The following TESMIN variants were observed in gnomAD, a reference collection of about 807,000 sequenced individuals.
TESMIN encodes the protein CXC domain containing 2.
TESMIN carries 34 observed loss-of-function variants against 47.4 expected under a neutral mutation model. The ratio of observed to expected loss-of-function variants is 0.72; its 90% CI spans 0.55 to 0.96. The LOEUF (loss-of-function observed/expected upper bound fraction) is 0.96. Among genes scored for constraint, TESMIN ranks in the 40% least tolerant of loss-of-function variants. The probability of loss-of-function intolerance (pLI) is 0.00; values close to 1 mark genes in which losing one functional copy is unlikely to be tolerated. For synonymous variants in TESMIN, 278 were observed against 258.9 expected, an observed-to-expected ratio of 1.07 and a Z score of -0.71; for missense variants, 610 against 637.2, an observed-to-expected ratio of 0.96 and a Z score of 0.46.
chr11:68,738,672 G>C (rs1331415651), intron 6 of TESMIN, 28 bp downstream of exon 6: 3 of 1,612,612 alleles, frequency 1.9e-6, no homozygotes, highest in Non-Finnish European at 2.5e-6. Flanking sequence ...TTACATTAGA[G>C]TGACAATGTA....
At chr11:68,719,758 A>T (rs1340991158) in intron 6 of TESMIN, among the ~76,000 whole-genome samples, 1 of 152,220 alleles carries the variant, frequency 6.6e-6, no homozygotes, top group Non-Finnish European at 1.5e-5. Context: ...AAAGATAAAG[A>T]AATTAGTCTA....
intron 9 of TESMIN, among the ~76,000 whole-genome samples, chr11:68,710,234 T>C (rs1471255825): frequency 1.3e-5 from 2 of 152,226 alleles, no homozygotes; most frequent in African/African-American, 4.8e-5. Context: ...TGAATTTGGC[T>C]TTGCAAAATA....
intron 6 of TESMIN, chr11:68,737,221 T>G (rs1244889718): frequency 1.0e-6 from 1 of 985,200 alleles, no homozygotes; most frequent in African/African-American, 1.7e-5. Flanking sequence ...AACTGCACCC[T>G]CACCGATCCA....
intron 6 of TESMIN, chr11:68,737,258 C>T: frequency 1.0e-6 from 1 of 985,532 alleles, no homozygotes. Flanking sequence ...AAGCAAGCAG[C>T]ATGGCCCACA....
At chr11:68,749,446 G>C (rs1194800707) in intron 2 of TESMIN, among the ~76,000 whole-genome samples, 1 of 152,216 alleles carries the variant, frequency 6.6e-6, no homozygotes, top group East Asian at 1.9e-4. Context: ...TGGATGAGTG[G>C]TCTCGTTTTC....
chr11:68,708,541 C>T, intron 9 of TESMIN, 41 bp from the exon 10 acceptor site: 1 of 1,513,284 alleles, frequency 6.6e-7, no homozygotes, highest in African/African-American at 1.4e-5. Flanking sequence ...CAACAGTGCA[C>T]CATTTCTACC....
intron 1 of TESMIN, among the ~76,000 whole-genome samples, chr11:68,751,154 AGGGGCCGGCCGGGGT>A (rs1227911364): frequency 1.3e-3 from 2 of 1,496 alleles, no homozygotes; most frequent in East Asian, 0.029. Context: ...CGGCCAGGAG[AGGGGCCGGCCGGGGT>A]GGGGGTCAGG....
intron 6 of TESMIN, 37 bp downstream of exon 6, chr11:68,738,663 T>G (rs1327692231): frequency 6.2e-7 from 1 of 1,610,100 alleles, no homozygotes; most frequent in Non-Finnish European, 8.5e-7. Flanking sequence ...CTTAAATTAT[T>G]ACATTAGAGT....
Position 68,713,398 on chromosome 11 carries a change from C to G in TESMIN, c.1030G>C (p.Gly344Arg). The G allele has an allele frequency of 1.2e-6, 2 of 1,614,058 alleles. No individual in the cohort carries two copies. Among genetic ancestry groups the G allele is most frequent in the Non-Finnish European group, 8.5e-7 (1 of 1,180,016 alleles). ...GGCTGGAAAGCTTCTGGATTTCTAC[C>G]AAGACATGCCTAGGGTAGAATGGGA... The part of the protein sequence containing the change: ...ERFKAIKACL[G>R]RNPEAFQPKI... The change falls in exon 8 of 10, where the codon GGT (glycine) becomes CGT (arginine). Residue 344 changes from glycine (G) to arginine (R), a missense_variant. Gly to Arg is a moderately radical substitution (Grantham distance 125). Coordinates refer to ENST00000255087, the MANE Select transcript of TESMIN (RefSeq NM_004923.3).
At chr11:68,718,356 C>T (rs77910696) in intron 6 of TESMIN, among the ~76,000 whole-genome samples, 11,017 of 151,776 alleles carry the variant, frequency 0.073, 444 homozygotes, top group Middle Eastern at 0.15. Context: ...AGTTATTGAT[C>T]GATGAAACAG....
At chr11:68,733,453 C>G (rs900157436) in intron 6 of TESMIN, among the ~76,000 whole-genome samples, 3 of 152,214 alleles carry the variant, frequency 2.0e-5, no homozygotes, top group Admixed American at 2.0e-4. Flanking sequence ...CAAGATAATA[C>G]CAAAAATTCG....
downstream of TESMIN, among the ~76,000 whole-genome samples, chr11:68,705,039 G>C (rs142400446): frequency 5.8e-3 from 882 of 152,320 alleles, 10 homozygotes; most frequent in African/African-American, 0.02. Flanking sequence ...AGGGCTGGGG[G>C]AAGATGCCTC....
intron 2 of TESMIN, among the ~76,000 whole-genome samples, chr11:68,749,757 G>C (rs1316168526): frequency 6.7e-6 from 1 of 149,706 alleles, no homozygotes; most frequent in Non-Finnish European, 1.5e-5. Context: ...TAAAGTTAAA[G>C]GAAAAAAAAA....
intron 6 of TESMIN, among the ~76,000 whole-genome samples, chr11:68,717,271 C>A (rs763525662): frequency 1.3e-5 from 2 of 152,212 alleles, no homozygotes; most frequent in Non-Finnish European, 2.9e-5. Context: ...GCGAGTTCTG[C>A]AGCAGCTAAG....
At chr11:68,739,266 G>A (rs1005956250) in intron 5 of TESMIN, among the ~76,000 whole-genome samples, 1 of 152,132 alleles carries the variant, frequency 6.6e-6, no homozygotes, top group Admixed American at 6.6e-5. Flanking sequence ...AAATTCAAAA[G>A]CAATGTCATC....
chr11:68,723,163 C>T (rs1170537596), intron 6 of TESMIN, among the ~76,000 whole-genome samples: 1 of 151,970 alleles, frequency 6.6e-6, no homozygotes, highest in Non-Finnish European at 1.5e-5. Flanking sequence ...AGGAAGTCTT[C>T]ATTAATTTCA....
At chr11:68,712,894 G>A (rs757781821) in intron 8 of TESMIN, among the ~76,000 whole-genome samples, 10 of 152,204 alleles carry the variant, frequency 6.6e-5, no homozygotes, top group Non-Finnish European at 1.2e-4. Flanking sequence ...CCCACCTAGA[G>A]CACCTGGGCT....
At position 68,707,973 on chromosome 11, in the gene TESMIN, G is replaced by A; in HGVS notation, c.*335C>T. On this transcript the variant is annotated 3_prime_UTR_variant, in exon 10 of 10. Coordinates refer to ENST00000255087, the MANE Select transcript of TESMIN (RefSeq NM_004923.3). ...GTGAGCTCTCCGCAGGGCCTGCTCTGCCCTCCCCTGCCCCGCTCTGCCCTT... is the reference window on the plus strand; with the variant it reads ...GTGAGCTCTCCGCAGGGCCTGCTCTACCCTCCCCTGCCCCGCTCTGCCCTT... The A allele has an allele frequency of 2.2e-6, 1 of 445,046 alleles. No individual in the cohort carries two copies. Among genetic ancestry groups the A allele is most frequent in the South Asian group, 1.8e-5 (1 of 56,126 alleles). The allele number at this position is 445,046 out of a possible 1,614,324, so 27.6% of individuals were successfully genotyped here.
rs552428433 is a variant in TESMIN, at chr11:68,744,919, A to G, written c.751+72T>C. The stretch of plus-strand genomic sequence containing the variant: ...TATCCTGGTTGCCATTTCACTTTAT[A>G]TACAAAGCCAAACATATTCATTTAC... On this transcript the variant is annotated intron_variant, in intron 4 of 9. Transcript: ENST00000255087. 5.0e-5 allele frequency: 67 copies of G among 1,327,734 alleles called. No individual in the cohort carries two copies. The East Asian group carries it at 1.7e-3, about 33-fold the overall frequency. 82.2% of individuals were successfully genotyped at this position (1,327,734 alleles called of 1,614,324 possible). A position where few individuals can be genotyped will look rare whatever the true frequency, so the allele number is the denominator to read the frequency against.
Sources: allele counts gnomAD v4.1 joint callset (sites outside exome capture counted in the v4.1 genomes callset), GRCh38; gene constraint gnomAD v4.1.1; transcripts MANE v1.5; gene names NCBI Gene and HGNC (gene_info 2026-07-23, HGNC 2026-07-21).